MYH15: variants seen among roughly 807,000 people sequenced by gnomAD.
MYH15 encodes myosin-15.
Under a neutral mutation model 240.5 loss-of-function variants are expected in MYH15, and 227 were observed. The observed-to-expected ratio is 0.94, with a 90% CI of 0.85 to 1.05. MYH15 has a LOEUF of 1.05. Among genes scored for constraint, MYH15 ranks in the 50% least tolerant of loss-of-function variants. The probability of loss-of-function intolerance (pLI) is 0.00; values close to 1 mark genes in which losing one functional copy is unlikely to be tolerated. For missense variants in MYH15, 2,217 were observed against 2,247.5 expected, an observed-to-expected ratio of 0.99 and a Z score of 0.27; for synonymous variants, 785 against 796.7, an observed-to-expected ratio of 0.99 and a Z score of 0.25.
chr3:108,523,585 T>G (rs6777210), intron 1 of MYH15, among the ~76,000 whole-genome samples: 21,560 of 151,824 alleles, frequency 0.14, 1,835 homozygotes, highest in East Asian at 0.39. Flanking sequence ...AAGCTTGGGG[T>G]TTTTTTGCTT....
chr3:108,464,927 T>C, intron 14 of MYH15, 113 bp from the exon 15 acceptor site: 2 of 895,462 alleles, frequency 2.2e-6, no homozygotes, highest in Non-Finnish European at 3.3e-6. Flanking sequence ...GGGAAGAATA[T>C]TCACTGCATA....
At chr3:108,495,180 C>T (rs1195716495) in intron 7 of MYH15, among the ~76,000 whole-genome samples, 1 of 152,174 alleles carries the variant, frequency 6.6e-6, no homozygotes, top group Admixed American at 6.5e-5. Flanking sequence ...TACAGTGGCT[C>T]CCTGCCACTG....
chr3:108,451,975 A>G (rs915015893), intron 21 of MYH15, among the ~76,000 whole-genome samples: 14 of 123,640 alleles, frequency 1.1e-4, no homozygotes, highest in African/African-American at 4.4e-4. Context: ...CCTTCATATA[A>G]TAAGTCATTT....
At chr3:108,470,288 A>T in intron 13 of MYH15, 76 bp from the exon 14 acceptor site, 1 of 1,043,730 alleles carries the variant, frequency 9.6e-7, no homozygotes, top group Non-Finnish European at 1.4e-6. Context: ...TCCAGTAAAG[A>T]AAAAACCATA....
chr3:108,479,161 A>G (rs927060802), intron 11 of MYH15, among the ~76,000 whole-genome samples: 2 of 152,244 alleles, frequency 1.3e-5, no homozygotes, highest in Non-Finnish European at 2.9e-5. Context: ...TTCAGGAACT[A>G]CTGTTGTAAA....
At position 108,434,627 on chromosome 3, in the gene MYH15, T is replaced by C. The variant is rs905604942; in HGVS notation, c.3221+2927A>G. Among the ~76,000 whole-genome samples, 13 of 152,314 alleles carry C rather than the reference T, an allele frequency of 8.5e-5. 1 individual carries two copies. Among genetic ancestry groups the C allele is most frequent in the Admixed American group, 7.2e-4 (11 of 15,300 alleles). ...CTCCATTTAAAAATTAACTATGACA[T>C]AATATTTCACGATTTAGACATTCCT... On this transcript the variant is annotated intron_variant, in intron 25 of 40. Transcript: ENST00000693548.
chr3:108,503,331 T>C (rs1054264335), intron 2 of MYH15, among the ~76,000 whole-genome samples: 2 of 152,152 alleles, frequency 1.3e-5, no homozygotes, highest in African/African-American at 4.8e-5. Context: ...GGAGGCCTAA[T>C]AAAATTTAGT....
chr3:108,384,099 A>G (rs1055324737), intron 39 of MYH15, among the ~76,000 whole-genome samples: 4 of 152,180 alleles, frequency 2.6e-5, no homozygotes, highest in Non-Finnish European at 5.9e-5. Flanking sequence ...TATATGGGTC[A>G]ACAGGTAATT....
intron 6 of MYH15, 55 bp downstream of exon 6, chr3:108,497,997 T>A: frequency 1.3e-6 from 2 of 1,492,666 alleles, no homozygotes; most frequent in Non-Finnish European, 9.3e-7. Context: ...ACAACCTCCA[T>A]GATCCAGTGG....
intron 16 of MYH15, chr3:108,461,645 G>T (rs996929257): frequency 6.6e-6 from 1 of 152,112 alleles, no homozygotes. Context: ...ATAAGCTTAT[G>T]TGGCTACTAT....
Position 108,440,053 on chromosome 3 carries a change from G to T in MYH15, c.2899-140C>A. On this transcript the variant is annotated intron_variant, in intron 23 of 40. Transcript: ENST00000693548. ...AAAAGCTGTATTTAGCCAAATTCCT[G>T]ATACGCTTTCTAAAGCTACATTTAG... 3 of 617,036 alleles carry T rather than the reference G, an allele frequency of 4.9e-6. No individual in the cohort carries two copies. In the South Asian group the frequency reaches 1.3e-4, roughly 26 times the overall value. The allele number at this position is 617,036 out of a possible 1,614,324, so 38.2% of individuals were successfully genotyped here. A position where few individuals can be genotyped will look rare whatever the true frequency, so the allele number is the denominator to read the frequency against.
At chr3:108,413,170 C>T (rs1001675945) in intron 30 of MYH15, among the ~76,000 whole-genome samples, 16 of 152,206 alleles carry the variant, frequency 1.1e-4, no homozygotes, top group African/African-American at 3.6e-4. Context: ...AATCTTACTT[C>T]AGAAGTAAAT....
At chr3:108,539,624 G>A in the MYH15 span, among the ~76,000 whole-genome samples, 2 of 151,810 alleles carry the variant, frequency 1.3e-5, no homozygotes, top group African/African-American at 2.4e-5. Flanking sequence ...TATAATTTAC[G>A]GGTAACTAAA....
upstream of MYH15, among the ~76,000 whole-genome samples, chr3:108,530,108 G>A (rs781421411): frequency 2.0e-5 from 3 of 152,188 alleles, no homozygotes; most frequent in Non-Finnish European, 4.4e-5. Flanking sequence ...GGGGAATCAG[G>A]AAGTGTATTC....
chr3:108,462,201 T>C (rs1461993781), intron 16 of MYH15, among the ~76,000 whole-genome samples: 1 of 152,128 alleles, frequency 6.6e-6, no homozygotes, highest in East Asian at 1.9e-4. Context: ...TAGTTAGCAT[T>C]TCGTTCAGTG....
intron 25 of MYH15, among the ~76,000 whole-genome samples, chr3:108,434,805 G>T (rs2082817684): frequency 6.6e-6 from 1 of 152,180 alleles, no homozygotes. Flanking sequence ...GTATAGGTGA[G>T]TGCTAAAAAA....
chr3:108,527,711 A>G (rs571324794), intron 1 of MYH15, among the ~76,000 whole-genome samples: 1 of 150,356 alleles, frequency 6.7e-6, no homozygotes, highest in South Asian at 2.1e-4. Context: ...AGGAGCTTAG[A>G]GGTTAAGAGT....
Position 108,416,833 on chromosome 3 carries a change from C to T in MYH15, c.3927G>A (p.Gly1309=), listed in dbSNP as rs9873504. Reference sequence around the variant, plus strand: ...TTACTTTGGTCTCCTTTTCCAGCTGCCCTCTCAGGTCTTCAATCTGCCGAG... The same window carrying T: ...TTACTTTGGTCTCCTTTTCCAGCTGTCCTCTCAGGTCTTCAATCTGCCGAG... ...NFTRQIEDLR[G]QLEKETKSQS... is the part of the protein sequence containing the mutation. Residue 1309 remains glycine (G), a synonymous_variant, in exon 29 of 41, where the codon GGG becomes GGA. Transcript: ENST00000693548. The T allele has an allele frequency of 0.082, 132,644 of 1,613,062 alleles. 12,701 individuals carry two copies. Among genetic ancestry groups the T allele is most frequent in the East Asian group, 0.55 (24,654 of 44,836 alleles).
chr3:108,398,929 T>G, intron 34 of MYH15, 89 bp from the exon 35 acceptor site: 1 of 1,466,496 alleles, frequency 6.8e-7, no homozygotes, highest in South Asian at 1.1e-5. Flanking sequence ...GACTATATAT[T>G]TAGACATAAG....
Sources: allele counts gnomAD v4.1 joint callset (sites outside exome capture counted in the v4.1 genomes callset), GRCh38; gene constraint gnomAD v4.1.1; transcripts MANE v1.5; gene names NCBI Gene and HGNC (gene_info 2026-07-23, HGNC 2026-07-21).